The following SYS1 variants were observed in gnomAD, a reference collection of about 807,000 sequenced individuals.
The protein encoded by SYS1 is SYS1 golgi trafficking protein.
Under a neutral mutation model 17.8 loss-of-function variants are expected in SYS1, and 8 were observed. The ratio of observed to expected loss-of-function variants is 0.45; its 90% CI spans 0.26 to 0.81. The LOEUF (loss-of-function observed/expected upper bound fraction) is 0.81, where lower values mean the gene tolerates loss of function less well. Among genes scored for constraint, SYS1 ranks in the 40% least tolerant of loss-of-function variants. The pLI is 0.16. For synonymous variants in SYS1, 95 were observed against 90.9 expected, an observed-to-expected ratio of 1.05 and a Z score of -0.26; for missense variants, 161 against 203.9, an observed-to-expected ratio of 0.79 and a Z score of 1.28.
chr20:45,373,811 G>T, downstream of SYS1: 1 of 1,217,508 alleles, frequency 8.2e-7, no homozygotes, highest in Non-Finnish European at 1.2e-6. Flanking sequence ...CGCGACACAG[G>T]CTCCCTCTAC....
downstream of SYS1, chr20:45,373,582 A>G (rs560276117): frequency 2.6e-6 from 1 of 391,246 alleles, no homozygotes; most frequent in Admixed American, 3.7e-5. Flanking sequence ...GAGCCTGGGC[A>G]AGTTACTTGC....
intron 2 of SYS1, chr20:45,365,385 C>T (rs999972750): frequency 1.8e-5 from 11 of 617,380 alleles, no homozygotes; most frequent in African/African-American, 1.3e-4. Context: ...TGAGTTTTTA[C>T]GTCCTCCTTT....
At chr20:45,375,664 G>T in exon 4 of SYS1, 1 of 1,344,906 alleles carries the variant, frequency 7.4e-7, no homozygotes, top group Non-Finnish European at 1.0e-6. Flanking sequence ...AGAGGGGCCT[G>T]CAAAGAAACT....
upstream of SYS1, chr20:45,362,991 G>A: frequency 8.9e-6 from 5 of 562,300 alleles, 1 homozygote; most frequent in Non-Finnish European, 1.1e-5. Flanking sequence ...AAGCTCTGCG[G>A]CCTTCGTTCC....
At chr20:45,366,581 A>G (rs927242771) in intron 3 of SYS1, among the ~76,000 whole-genome samples, 9 of 152,178 alleles carry the variant, frequency 5.9e-5, no homozygotes, top group African/African-American at 1.9e-4. Flanking sequence ...CCTAGATGCA[A>G]GTAGCTACTG....
upstream of SYS1, among the ~76,000 whole-genome samples, chr20:45,362,680 AAT>A (rs1406164978): frequency 1.3e-5 from 2 of 152,080 alleles, no homozygotes; most frequent in East Asian, 3.9e-4. Flanking sequence ...CTTGAATTTT[AAT>A]ACTTACTTTG....
chr20:45,375,423 C>T (rs773582604), exon 4 of SYS1: 2 of 1,614,182 alleles, frequency 1.2e-6, no homozygotes, highest in Non-Finnish European at 1.7e-6. Flanking sequence ...GGGACTTCCA[C>T]TCCTTGTACT....
At chr20:45,372,325 T>G (rs1025220106), downstream of SYS1, among the ~76,000 whole-genome samples, 4 of 152,194 alleles carry the variant, frequency 2.6e-5, no homozygotes, top group African/African-American at 9.6e-5. Context: ...ATATATTCAG[T>G]GGCGTTCCCA....
At position 45,375,286 on chromosome 20, in the gene SYS1, C is replaced by T. The variant is rs529058630; in HGVS notation, c.*992C>T. 4 of 1,614,114 alleles carry T rather than the reference C, an allele frequency of 2.5e-6. No homozygotes were observed. In the African/African-American group the frequency reaches 5.3e-5, roughly 22 times the overall value. ...GGGGCCCTCGGTGAGTGGTTGCCTC[C>T]CCTGGACTCCAGGGTTCAAGCTATC... is the stretch of plus-strand genomic sequence containing the variant. On this transcript the variant is annotated 3_prime_UTR_variant, in exon 4 of 4. Transcript: ENST00000426004.
At chr20:45,375,464 A>C in exon 4 of SYS1, 1 of 1,613,826 alleles carries the variant, frequency 6.2e-7, no homozygotes, top group Non-Finnish European at 8.5e-7. Flanking sequence ...GTGGACTCTA[A>C]TTTCTTGGAC....
chr20:45,368,734 A>G lies in SYS1; in HGVS notation c.*1619A>G, dbSNP rs1988493884. 1 of 985,426 alleles carries G rather than the reference A, an allele frequency of 1.0e-6. No homozygotes were observed. The highest frequency in any genetic ancestry group is 1.2e-6 in the Non-Finnish European group (1 of 829,914). 61.0% of individuals were successfully genotyped at this position (985,426 alleles called of 1,614,324 possible). On this transcript the variant is annotated 3_prime_UTR_variant, in exon 4 of 4. Transcript: ENST00000243918. The stretch of plus-strand genomic sequence containing the variant: ...CACAGTAATCCTGGCTGCAGGGTCT[A>G]GGAGGTAAGACCAGCTGGGATGACC...
chr20:45,364,408 G>A (rs1041104553), intron 2 of SYS1, among the ~76,000 whole-genome samples: 36 of 151,816 alleles, frequency 2.4e-4, no homozygotes, highest in African/African-American at 6.5e-4. Context: ...AAGTGTAAAG[G>A]AGGCCTATAA....
At chr20:45,373,902 A>G, downstream of SYS1, 2 of 1,612,054 alleles carry the variant, frequency 1.2e-6, no homozygotes, top group Non-Finnish European at 1.7e-6. Flanking sequence ...GCCATATGGA[A>G]GATCTTATTT....
chr20:45,375,374 A>G (rs948695634), exon 4 of SYS1: 7 of 1,613,946 alleles, frequency 4.3e-6, no homozygotes, highest in African/African-American at 1.3e-5. Flanking sequence ...ATTGCCGCCA[A>G]TGACGTTTTC....
Position 45,365,644 on chromosome 20 carries a change from G to C in SYS1, c.188G>C (p.Gly63Ala), listed in dbSNP as rs1372834005. The C allele has an allele frequency of 6.2e-7, 1 of 1,614,104 alleles. No homozygotes were observed. The highest frequency in any genetic ancestry group is 2.2e-5 in the East Asian group (1 of 44,874). ...ATCCTGGGCTTTTCCACCCCTCCAGGCCGGCTCTCCATGATGTCCTTCATC... is the reference window on the plus strand; with the variant it reads ...ATCCTGGGCTTTTCCACCCCTCCAGCCCGGCTCTCCATGATGTCCTTCATC... ...AEILGFSTPP[G>A]RLSMMSFILN... Residue 63 changes from glycine (G) to alanine (A), a missense_variant, in exon 3 of 4, where the codon GGC (glycine) becomes GCC (alanine). Coordinates refer to ENST00000243918, the MANE Select transcript of SYS1 (RefSeq NM_033542.4).
Position 45,367,286 on chromosome 20 carries a change from G to T in SYS1, c.*171G>T. ...TGTCAAAGAAGGCAGGTAGCAGTCA[G>T]CATGACAGCTGCAAGAATGACCTCT... On this transcript the variant is annotated 3_prime_UTR_variant, in exon 4 of 4. Transcript: ENST00000243918. 1 of 1,436,906 alleles carries T rather than the reference G, an allele frequency of 7.0e-7. No homozygotes were observed. Among genetic ancestry groups the T allele is most frequent in the South Asian group, 1.5e-5 (1 of 67,624 alleles). 89.0% of individuals were successfully genotyped at this position (1,436,906 alleles called of 1,614,324 possible). A position where few individuals can be genotyped will look rare whatever the true frequency, so the allele number is the denominator to read the frequency against.
At chr20:45,373,678 T>C (rs1462412565), downstream of SYS1, 2 of 569,616 alleles carry the variant, frequency 3.5e-6, no homozygotes, top group Non-Finnish European at 6.3e-6. Flanking sequence ...GCGCCCTGAC[T>C]TCACAGAGCG....
Position 45,368,567 on chromosome 20 carries a change from A to G in SYS1, c.*1452A>G. On this transcript the variant is annotated 3_prime_UTR_variant, in exon 4 of 4. Coordinates refer to ENST00000243918, the MANE Select transcript of SYS1 (RefSeq NM_033542.4). Reference sequence around the variant, plus strand: ...ATCTGACCTCCTGACTCTCAGCCCTACAGAGTAGGGAGTTGATGCTGACAG... The same window carrying G: ...ATCTGACCTCCTGACTCTCAGCCCTGCAGAGTAGGGAGTTGATGCTGACAG... 4 of 985,398 alleles carry G rather than the reference A, an allele frequency of 4.1e-6. No individual in the cohort carries two copies. Among genetic ancestry groups the G allele is most frequent in the Non-Finnish European group, 4.8e-6 (4 of 829,924 alleles). 61.0% of individuals were successfully genotyped at this position (985,398 alleles called of 1,614,324 possible).
intron 2 of SYS1, 88 bp downstream of exon 2, chr20:45,363,781 G>A (rs1008631961): frequency 5.1e-5 from 70 of 1,376,852 alleles, no homozygotes; most frequent in Non-Finnish European, 6.6e-5. Flanking sequence ...GACGTGGCTG[G>A]GTCACCTTCT....
Sources: gnomAD v4.1 joint callset for allele counts (sites outside exome capture counted in the v4.1 genomes callset) on GRCh38, gnomAD v4.1.1 for gene constraint, MANE v1.5 for transcripts, NCBI Gene and HGNC (gene_info 2026-07-23, HGNC 2026-07-21) for gene names.